CFAP47: variants seen among roughly 807,000 people sequenced by gnomAD.
CFAP47 encodes cilia- and flagella-associated protein 47.
Under a neutral mutation model 148.1 loss-of-function variants are expected in CFAP47, and 29 were observed. That is an observed-to-expected ratio of 0.20 (90% CI 0.15 to 0.27). The LOEUF (loss-of-function observed/expected upper bound fraction) is 0.27. Among genes scored for constraint, CFAP47 ranks in the 10% least tolerant of loss-of-function variants. The pLI is 1.00. For synonymous variants in CFAP47, 664 were observed against 577.3 expected, an observed-to-expected ratio of 1.15 and a Z score of -2.15; for missense variants, 1,872 against 1,697.5, an observed-to-expected ratio of 1.10 and a Z score of -1.81.
chrX:36,280,842 G>T (rs928882110), intron 50 of CFAP47, among the ~76,000 whole-genome samples: 3 of 111,747 alleles, frequency 2.7e-5, no homozygotes, highest in African/African-American at 9.8e-5. Context: ...AAATACTTCA[G>T]CTAGAAGGGT....
intron 33 of CFAP47, among the ~76,000 whole-genome samples, chrX:36,127,478 G>A (rs1601998994): frequency 9.0e-6 from 1 of 111,651 alleles, no homozygotes; most frequent in African/African-American, 3.3e-5. Flanking sequence ...CCAGTACCAT[G>A]CTGTTTTGGT....
At chrX:36,043,025 T>C (rs959406100) in intron 25 of CFAP47, among the ~76,000 whole-genome samples, 1 of 111,683 alleles carries the variant, frequency 9.0e-6, no homozygotes. Flanking sequence ...GAAGATGTTA[T>C]TGAAGTTCTT....
intron 26 of CFAP47, among the ~76,000 whole-genome samples, chrX:36,057,016 T>C (rs1483547618): frequency 8.9e-5 from 10 of 112,000 alleles, no homozygotes; most frequent in Non-Finnish European, 1.9e-4. Context: ...CTCCAAACTG[T>C]CTGCTTCTAG....
intron 57 of CFAP47, among the ~76,000 whole-genome samples, chrX:36,337,942 C>G (rs1444917977): frequency 5.1e-5 from 5 of 98,056 alleles, no homozygotes; most frequent in Admixed American, 1.1e-4. Context: ...GATCTCGGCT[C>G]ACTGCAAGCT....
chrX:35,946,707 A>G (rs1411827535), intron 3 of CFAP47, among the ~76,000 whole-genome samples: 12 of 111,908 alleles, frequency 1.1e-4, no homozygotes, highest in African/African-American at 3.9e-4. Context: ...CATTTGGAAA[A>G]TATCATCAGA....
intron 45 of CFAP47, among the ~76,000 whole-genome samples, chrX:36,209,762 A>G (rs1940079550): frequency 9.0e-6 from 1 of 111,542 alleles, no homozygotes; most frequent in Admixed American, 9.6e-5. Context: ...CATACCATAC[A>G]ATTCACAAAT....
chrX:36,298,595 C>G (rs1275854775), intron 51 of CFAP47, among the ~76,000 whole-genome samples: 1 of 111,649 alleles, frequency 9.0e-6, no homozygotes, highest in Non-Finnish European at 1.9e-5. Flanking sequence ...TTAGCAGACT[C>G]TGCTGGTGAT....
At chrX:36,147,842 T>A (rs1939257001) in intron 36 of CFAP47, among the ~76,000 whole-genome samples, 1 of 112,594 alleles carries the variant, frequency 8.9e-6, no homozygotes, top group Non-Finnish European at 1.9e-5. Flanking sequence ...TTCGAATATC[T>A]GTGACTATAG....
chrX:36,282,159 T>C (rs1417114392), intron 50 of CFAP47, among the ~76,000 whole-genome samples: 1 of 110,801 alleles, frequency 9.0e-6, no homozygotes, highest in Non-Finnish European at 1.9e-5. Flanking sequence ...CAGTTGCCAA[T>C]TGAATCTTTG....
intron 37 of CFAP47, among the ~76,000 whole-genome samples, chrX:36,154,805 T>C (rs2146845669): frequency 9.1e-6 from 1 of 110,127 alleles, no homozygotes; most frequent in South Asian, 3.9e-4. Flanking sequence ...TGTTGGCTTT[T>C]TTTTTTTTCA....
At chrX:36,046,300 T>C (rs1303528430) in intron 25 of CFAP47, among the ~76,000 whole-genome samples, 2 of 110,521 alleles carry the variant, frequency 1.8e-5, no homozygotes, top group Non-Finnish European at 1.9e-5. Flanking sequence ...ATATTAAAAA[T>C]AAACAGTTTG....
At chrX:35,951,732 T>C (rs1159186338) in intron 5 of CFAP47, 71 bp from the exon 6 acceptor site, 1 of 989,648 alleles carries the variant, frequency 1.0e-6, no homozygotes, top group African/African-American at 2.0e-5. Flanking sequence ...TCAATAATTA[T>C]TTTGTAACCT....
chrX:36,084,119 T>C (rs1052395523), intron 29 of CFAP47, among the ~76,000 whole-genome samples: 1 of 111,326 alleles, frequency 9.0e-6, no homozygotes, highest in Non-Finnish European at 1.9e-5. Flanking sequence ...TATTTGTGAA[T>C]GCTCCATTAG....
intron 24 of CFAP47, among the ~76,000 whole-genome samples, chrX:36,037,338 TTTGTTG>T (rs768498053): frequency 0.014 from 1,445 of 106,184 alleles, 20 homozygotes; most frequent in African/African-American, 0.04. Context: ...AACTTTACTC[TTTGTTG>T]TTGTTGTTGT....
In CFAP47 at chrX:36,269,970, A is replaced by G. The variant is rs782719209; in HGVS notation, c.7445-10517A>G. Among the ~76,000 whole-genome samples, 114 of 112,164 alleles carry G rather than the reference A, an allele frequency of 1.0e-3. 1 individual carries two copies. The highest frequency in any genetic ancestry group is 3.5e-3 in the African/African-American group (110 of 30,995). The stretch of plus-strand genomic sequence containing the variant: ...AATAATTATTCTAAAATCAGTCTAC[A>G]TGGTGCCTAAATCAATAGTTTATTC... On this transcript the variant is annotated intron_variant, in intron 49 of 63. Transcript: ENST00000378653.
chrX:36,365,861 C>T (rs1556020179), intron 61 of CFAP47: 1 of 111,557 alleles, frequency 9.0e-6, no homozygotes, highest in Non-Finnish European at 1.9e-5. Context: ...AGTGTATATG[C>T]ACCACATTTT....
At chrX:36,382,923 G>A (rs190924414) in intron 63 of CFAP47, among the ~76,000 whole-genome samples, 75 of 110,906 alleles carry the variant, frequency 6.8e-4, no homozygotes, top group African/African-American at 2.3e-3. Context: ...AGGGAGATTG[G>A]GGATAGAAGA....
chrX:36,171,014 T>C (rs1414768249), intron 39 of CFAP47, among the ~76,000 whole-genome samples: 4 of 111,317 alleles, frequency 3.6e-5, no homozygotes, highest in Non-Finnish European at 5.7e-5. Flanking sequence ...TGGTATCTCA[T>C]TGTGGTTTTG....
At position 36,361,324 on chromosome X, in the gene CFAP47, TC is replaced by T. The variant is rs200762008; in HGVS notation, c.8852-4del. 3,706 of 1,025,080 alleles carry T rather than the reference TC, an allele frequency of 3.6e-3. 84 individuals carry two copies. In the African/African-American group the frequency reaches 0.063, roughly 17 times the overall value. The allele number at this position is 1,025,080 out of a possible 1,213,427, so 84.5% of individuals were successfully genotyped here. ...TTGAAATATATTTTCATCTTGACTTTCCTAGAAATTCCTAAAATACATGAAT... is the reference window on the plus strand; with the variant it reads ...TTGAAATATATTTTCATCTTGACTTTCTAGAAATTCCTAAAATACATGAAT... On this transcript the variant is annotated splice_polypyrimidine_tract_variant and splice_region_variant and intron_variant, in intron 60 of 63. Coordinates refer to ENST00000378653, the MANE Select transcript of CFAP47 (RefSeq NM_001304548.2).
Sources: gnomAD v4.1 joint callset for allele counts (sites outside exome capture counted in the v4.1 genomes callset) on GRCh38, gnomAD v4.1.1 for gene constraint, MANE v1.5 for transcripts, NCBI Gene and HGNC (gene_info 2026-07-23, HGNC 2026-07-21) for gene names.